The following MED14 variants were observed in gnomAD, a reference collection of about 807,000 sequenced individuals.
MED14 encodes the protein mediator complex subunit 14, also known as mediator of RNA polymerase II transcription subunit 14.
MED14 carries 8 observed loss-of-function variants against 109.0 expected under a neutral mutation model. The observed-to-expected ratio is 0.07, with a 90% CI of 0.04 to 0.13. MED14 has a LOEUF of 0.13. MED14 is among the 10% of genes least tolerant of loss of function. MED14 has a pLI of 1.00. For missense variants in MED14, 711 were observed against 1,142.4 expected, an observed-to-expected ratio of 0.62 and a Z score of 5.44; for synonymous variants, 399 against 408.7, an observed-to-expected ratio of 0.98 and a Z score of 0.29.
intron 3 of MED14, among the ~76,000 whole-genome samples, chrX:40,719,998 AG>A (rs1931658211): frequency 8.9e-6 from 1 of 112,191 alleles, no homozygotes; most frequent in African/African-American, 3.2e-5. Flanking sequence ...AATAATCATT[AG>A]GTTGAGAACA....
At chrX:40,722,860 A>G (rs1337937562) in intron 3 of MED14, among the ~76,000 whole-genome samples, 5 of 112,211 alleles carry the variant, frequency 4.5e-5, no homozygotes, top group Non-Finnish European at 7.5e-5. Context: ...ACCCTAGGAT[A>G]GTATATCCGG....
chrX:40,659,030 A>G (rs1479307890), intron 28 of MED14, among the ~76,000 whole-genome samples, 197 bp downstream of exon 28: 2 of 112,288 alleles, frequency 1.8e-5, no homozygotes, highest in Non-Finnish European at 3.8e-5. Context: ...TCACTATATT[A>G]TCTTGTTTTA....
At chrX:40,717,560 T>C (rs1166974541) in intron 3 of MED14, among the ~76,000 whole-genome samples, 1 of 111,452 alleles carries the variant, frequency 9.0e-6, no homozygotes, top group Non-Finnish European at 1.9e-5. Context: ...TCTTGCTCTG[T>C]CGCCCAGGCT....
At chrX:40,735,614 A>AGGGGCGGGGG, upstream of MED14, 2 of 502,077 alleles carry the variant, frequency 4.0e-6, no homozygotes, top group Non-Finnish European at 7.1e-6. Context: ...GACAGGAGCG[A>AGGGGCGGGGG]GGGGCGGGGG....
Position 40,713,650 on chromosome X carries a change from C to T in MED14, c.652+128G>A, listed in dbSNP as rs766025543. ...TAGAGATGGGGTTTCACCATGTTGGCCAGGCTGGTCTCAAACTCCTGACCT... is the reference window on the plus strand; with the variant it reads ...TAGAGATGGGGTTTCACCATGTTGGTCAGGCTGGTCTCAAACTCCTGACCT... On this transcript the variant is annotated intron_variant, in intron 5 of 30. Coordinates refer to ENST00000324817, the MANE Select transcript of MED14 (RefSeq NM_004229.4). The T allele has an allele frequency of 3.1e-4, 211 of 688,961 alleles. 2 individuals carry two copies. The South Asian group carries it at 4.9e-3, about 16-fold the overall frequency. The allele number at this position is 688,961 out of a possible 1,213,427, so 56.8% of individuals were successfully genotyped here.
At chrX:40,680,252 T>C (rs1930063783) in intron 20 of MED14, 119 bp from the exon 21 acceptor site, 1 of 746,616 alleles carries the variant, frequency 1.3e-6, no homozygotes, top group Admixed American at 3.4e-5. Context: ...TCCATAAAAC[T>C]TCCCCTTGAA....
At chrX:40,662,247 T>G (rs1284631688) in intron 26 of MED14, among the ~76,000 whole-genome samples, 2 of 111,198 alleles carry the variant, frequency 1.8e-5, no homozygotes, top group Non-Finnish European at 3.8e-5. Flanking sequence ...TTTATTTTTT[T>G]AGAGACAGGG....
At chrX:40,662,736 A>G (rs916805560) in intron 26 of MED14, among the ~76,000 whole-genome samples, 189 bp downstream of exon 26, 4 of 112,233 alleles carry the variant, frequency 3.6e-5, no homozygotes, top group Admixed American at 1.9e-4. Context: ...ATATGTTAAC[A>G]TAAGAATGGA....
At chrX:40,673,140 G>GA (rs890002658) in intron 22 of MED14, among the ~76,000 whole-genome samples, 9 of 111,912 alleles carry the variant, frequency 8.0e-5, no homozygotes, top group African/African-American at 2.6e-4. Flanking sequence ...CTGATAAACA[G>GA]AAAAAAACTG....
intron 6 of MED14, 63 bp from the exon 7 acceptor site, chrX:40,712,356 CAACT>C (rs1931367272): frequency 4.1e-6 from 3 of 730,300 alleles, no homozygotes; most frequent in Non-Finnish European, 6.1e-6. Flanking sequence ...GTCACTATAC[CAACT>C]AAGGAAGCAC....
At chrX:40,699,392 T>A (rs143713651) in intron 12 of MED14, among the ~76,000 whole-genome samples, 42 of 112,233 alleles carry the variant, frequency 3.7e-4, no homozygotes, top group African/African-American at 1.2e-3. Flanking sequence ...GGTGCATTTT[T>A]ATGGTATGTA....
At chrX:40,688,561 A>G (rs760435515) in intron 15 of MED14, 31 bp from the exon 16 acceptor site, 19 of 1,043,491 alleles carry the variant, frequency 1.8e-5, no homozygotes, top group Non-Finnish European at 2.4e-5. Flanking sequence ...ATATCAGACG[A>G]CCAATTTTAC....
At chrX:40,711,646 G>A (rs1208953113) in intron 7 of MED14, among the ~76,000 whole-genome samples, 1 of 109,894 alleles carries the variant, frequency 9.1e-6, no homozygotes, top group Admixed American at 9.7e-5. Context: ...TGTGTGTGAC[G>A]GAGTCTTGCT....
At position 40,692,888 on chromosome X, in the gene MED14, C is replaced by T. The variant is rs746949982; in HGVS notation, c.1665G>A (p.Leu555=). 8.6e-7 allele frequency: 1 copy of T among 1,162,109 alleles called. No homozygotes were observed. The highest frequency in any genetic ancestry group is 1.1e-6 in the Non-Finnish European group (1 of 874,787). Residue 555 remains leucine, a synonymous_variant, in exon 14 of 31, where the codon TTG becomes TTA. Transcript: ENST00000324817. ...LPQYYIVVEM[L]EVPNKPTQLS... Reference sequence around the variant, plus strand: ...GTTGTGTGGGTTTATTGGGAACCTCCAACATCTCCACAACCTAAAAATCCC... The same window carrying T: ...GTTGTGTGGGTTTATTGGGAACCTCTAACATCTCCACAACCTAAAAATCCC...
At position 40,714,648 on chromosome X, in the gene MED14, G is replaced by A; in HGVS notation, c.411C>T (p.Ala137=). The change falls in exon 4 of 31, where the codon GCC becomes GCT. Residue 137 remains alanine (A), a synonymous_variant. Coordinates refer to ENST00000324817, the MANE Select transcript of MED14 (RefSeq NM_004229.4). The stretch of plus-strand genomic sequence containing the variant: ...GGACCAGAGCATCTCTAGCTAACGA[G>A]GCCAGGCGATCAGCAGTGTCCACAA... ...ILFVDTADRL[A]SLARDALVHA... is the part of the protein sequence containing the mutation. 8.3e-7 allele frequency: 1 copy of A among 1,211,543 alleles called. No individual in the cohort carries two copies. The highest frequency in any genetic ancestry group is 1.1e-6 in the Non-Finnish European group (1 of 895,346).
Position 40,713,960 on chromosome X carries a change from T to A in MED14, c.523-53A>T, listed in dbSNP as rs994388943. On this transcript the variant is annotated intron_variant, in intron 4 of 30. Transcript: ENST00000324817. ...ATAATGTACAAACGGGGATTTTTTT[T>A]TTCAATCTTTTCCTGTCTTTATACA... The A allele has an allele frequency of 5.8e-5, 65 of 1,128,633 alleles. No homozygotes were observed. In the Admixed American group the frequency reaches 1.6e-3, roughly 27 times the overall value. The allele number at this position is 1,128,633 out of a possible 1,213,427, so 93.0% of individuals were successfully genotyped here. A position where few individuals can be genotyped will look rare whatever the true frequency, so the allele number is the denominator to read the frequency against.
chrX:40,694,773 T>C (rs1391876583), intron 13 of MED14, among the ~76,000 whole-genome samples: 1 of 112,404 alleles, frequency 8.9e-6, no homozygotes, highest in Non-Finnish European at 1.9e-5. Flanking sequence ...AGTACATCAC[T>C]TTGGAAAACA....
chrX:40,662,632 C>G (rs755567222), intron 26 of MED14, among the ~76,000 whole-genome samples: 1 of 112,063 alleles, frequency 8.9e-6, no homozygotes, highest in Non-Finnish European at 1.9e-5. Flanking sequence ...AGATCCTGTG[C>G]GCAGTGCTCC....
At chrX:40,725,513 AG>A (rs1216839033) in intron 3 of MED14, among the ~76,000 whole-genome samples, 6 of 112,427 alleles carry the variant, frequency 5.3e-5, no homozygotes, top group Non-Finnish European at 1.1e-4. Flanking sequence ...CAGGGATGCA[AG>A]GATGGTTCAA....
Sources: allele counts gnomAD v4.1 joint callset (sites outside exome capture counted in the v4.1 genomes callset), GRCh38; gene constraint gnomAD v4.1.1; transcripts MANE v1.5; gene names NCBI Gene and HGNC (gene_info 2026-07-23, HGNC 2026-07-21).